The following MID1 variants were observed in gnomAD, a reference collection of about 807,000 sequenced individuals.
The protein encoded by MID1 is E3 ubiquitin-protein ligase Midline-1.
A neutral mutation model predicts 40.4 loss-of-function variants in MID1; 7 were observed. That is an observed-to-expected ratio of 0.17 (90% CI 0.10 to 0.33). The LOEUF is 0.33. Ranked by LOEUF, MID1 falls within the 10% of genes least tolerant of loss-of-function variation. The pLI is 1.00. For missense variants in MID1, 367 were observed against 558.5 expected, an observed-to-expected ratio of 0.66 and a Z score of 3.46; for synonymous variants, 229 against 221.2, an observed-to-expected ratio of 1.04 and a Z score of -0.31.
rs974158494 is a variant in MID1, at chrX:10,449,355, T to A, written c.*13A>T. ...TACTGTTCCCCAGAAAGCAGCTCCA[T>A]GTGGCCAGACGCTCACGGCAGCTGC... On this transcript the variant is annotated 3_prime_UTR_variant, in exon 10 of 10. Transcript: ENST00000317552. The A allele has an allele frequency of 3.3e-6, 4 of 1,196,331 alleles. No homozygotes were observed. The African/African-American group carries it at 5.2e-5, about 16-fold the overall frequency.
At chrX:10,562,565 A>G (rs1934385513) in intron 2 of MID1, among the ~76,000 whole-genome samples, 1 of 104,645 alleles carries the variant, frequency 9.6e-6, no homozygotes, top group Non-Finnish European at 1.9e-5. Flanking sequence ...AATTGTCTTG[A>G]GCCCTGATCT....
intron 1 of MID1, among the ~76,000 whole-genome samples, chrX:10,777,947 A>G (rs1308461949): frequency 1.8e-5 from 2 of 111,843 alleles, no homozygotes; most frequent in South Asian, 7.5e-4. Context: ...TTCAGAGGCA[A>G]TAACATGCGT....
chrX:10,657,837 G>A (rs1259545636), intron 1 of MID1, among the ~76,000 whole-genome samples: 1 of 112,042 alleles, frequency 8.9e-6, no homozygotes, highest in Non-Finnish European at 1.9e-5. Context: ...TTGGGTTGTA[G>A]GCTAAAGCAC....
At chrX:10,531,926 G>A (rs1366491176) in intron 2 of MID1, among the ~76,000 whole-genome samples, 2 of 112,064 alleles carry the variant, frequency 1.8e-5, no homozygotes, top group Non-Finnish European at 3.8e-5. Flanking sequence ...ATCACATGAA[G>A]CTATATTACT....
At chrX:10,782,455 G>A (rs774784690) in intron 1 of MID1, among the ~76,000 whole-genome samples, 19 of 111,395 alleles carry the variant, frequency 1.7e-4, no homozygotes, top group Admixed American at 1.1e-3. Context: ...CAAAAGATGC[G>A]AGGAATTGCT....
chrX:10,787,657 C>T (rs763794421), intron 1 of MID1, among the ~76,000 whole-genome samples: 2 of 99,281 alleles, frequency 2.0e-5, no homozygotes, highest in Admixed American at 1.1e-4. Context: ...ACAATCCTCT[C>T]GGCTAAGCCT....
At chrX:10,691,718 A>C (rs1228518053) in intron 1 of MID1, among the ~76,000 whole-genome samples, 1 of 112,204 alleles carries the variant, frequency 8.9e-6, no homozygotes, top group Non-Finnish European at 1.9e-5. Context: ...ATTTTCAGGG[A>C]ACAAGGAAAG....
chrX:10,465,187 T>TTATATATATATATATA (rs1170214071), intron 7 of MID1, among the ~76,000 whole-genome samples: 4 of 48,069 alleles, frequency 8.3e-5, no homozygotes, highest in Non-Finnish European at 1.5e-4. Context: ...GTCTGAAATT[T>TTATATATATATATATA]TATATATATA....
chrX:10,817,844 C>A (rs965042225), intron 1 of MID1, among the ~76,000 whole-genome samples: 38 of 110,593 alleles, frequency 3.4e-4, no homozygotes, highest in African/African-American at 1.2e-3. Flanking sequence ...GTCTCGAACT[C>A]CTGACCTCAG....
Position 10,611,935 on chromosome X carries a change from G to A in MID1, c.-57+8355C>T, listed in dbSNP as rs777837052. 3.4e-3 allele frequency among the ~76,000 whole-genome samples: 382 copies of A among 111,681 alleles called. 2 individuals carry two copies. The highest frequency in any genetic ancestry group is 0.012 in the African/African-American group (363 of 30,782). ...AAAGCACGATGGCCTAACATAATAA[G>A]CATTTTTGTTTCCAGATTTTTACCA... On this transcript the variant is annotated intron_variant, in intron 1 of 9. Coordinates refer to ENST00000317552, the MANE Select transcript of MID1 (RefSeq NM_000381.4).
intron 1 of MID1, among the ~76,000 whole-genome samples, chrX:10,776,104 T>TTCAAAGCAAAATCATAACCATAAATTGC (rs1369966022): frequency 3.6e-5 from 4 of 112,244 alleles, no homozygotes; most frequent in African/African-American, 9.7e-5. Flanking sequence ...CACCATTTTG[T>TTCAAAGCAAAATCATAACCATAAATTGC]TCAAAGCAAA....
chrX:10,671,524 G>A (rs1304640749), intron 1 of MID1, among the ~76,000 whole-genome samples: 1 of 111,384 alleles, frequency 9.0e-6, no homozygotes, highest in East Asian at 2.8e-4. Context: ...TGGGCTTTTA[G>A]CTTCTTAGGA....
At chrX:10,526,304 C>G (rs748560149) in intron 2 of MID1, among the ~76,000 whole-genome samples, 2 of 109,863 alleles carry the variant, frequency 1.8e-5, no homozygotes, top group Non-Finnish European at 3.8e-5. Flanking sequence ...ACAACAACAA[C>G]AACAACAACA....
rs964648125 is a variant in MID1, at chrX:10,505,903, T to A, written c.757-10212A>T. ...CCTTTTTGGGTTTCAGTTACTCAGG[T>A]ATAGAAGCCATCTGCTTCTGCAAAG... On this transcript the variant is annotated intron_variant, in intron 3 of 9. Coordinates refer to ENST00000317552, the MANE Select transcript of MID1 (RefSeq NM_000381.4). The A allele has an allele frequency of 4.0e-6, 3 of 753,032 alleles. No individual in the cohort carries two copies. The African/African-American group carries it at 6.9e-5, about 17-fold the overall frequency. 62.1% of individuals were successfully genotyped at this position (753,032 alleles called of 1,213,427 possible).
intron 1 of MID1, among the ~76,000 whole-genome samples, chrX:10,764,965 C>T (rs1321029341): frequency 1.8e-5 from 2 of 112,175 alleles, no homozygotes; most frequent in Non-Finnish European, 3.8e-5. Context: ...TGAAGGCATA[C>T]TCATACACCA....
chrX:10,480,276 C>T lies in MID1; in HGVS notation c.1013+2204G>A, dbSNP rs143261655. 7.0e-3 allele frequency among the ~76,000 whole-genome samples: 786 copies of T among 112,320 alleles called. 8 individuals are homozygous for T. The highest frequency in any genetic ancestry group is 0.031 in the South Asian group (83 of 2,687). The stretch of plus-strand genomic sequence containing the variant: ...AGAGAGAGCTGAATGGGAGCAGATA[C>T]GTCCCACTGGAACTGAGGGAGATTG... On this transcript the variant is annotated intron_variant, in intron 5 of 9. Transcript: ENST00000317552.
chrX:10,743,838 G>A (rs987599758), intron 1 of MID1, among the ~76,000 whole-genome samples: 7 of 111,784 alleles, frequency 6.3e-5, no homozygotes, highest in Non-Finnish European at 1.3e-4. Context: ...GCTTTGCAAA[G>A]CTATTGCCAG....
intron 1 of MID1, among the ~76,000 whole-genome samples, chrX:10,587,889 T>C (rs1313163595): frequency 1.8e-5 from 2 of 111,269 alleles, no homozygotes; most frequent in Non-Finnish European, 3.8e-5. Context: ...GTGTTATTGA[T>C]GTTAAACTTA....
At chrX:10,725,597 G>A (rs1023732125) in intron 1 of MID1, among the ~76,000 whole-genome samples, 1 of 111,980 alleles carries the variant, frequency 8.9e-6, no homozygotes, top group Non-Finnish European at 1.9e-5. Flanking sequence ...GGTGGCTCAC[G>A]CCTGTAATCC....
Sources: allele counts gnomAD v4.1 joint callset (sites outside exome capture counted in the v4.1 genomes callset), GRCh38; gene constraint gnomAD v4.1.1; transcripts MANE v1.5; gene names NCBI Gene and HGNC (gene_info 2026-07-23, HGNC 2026-07-21).